Variants in PHC2 observed in about 807,000 individuals in gnomAD.
PHC2 encodes the protein polyhomeotic-like protein 2.
In PHC2, 29 loss-of-function variants were observed where a neutral mutation model predicts 87.4. That is an observed-to-expected ratio of 0.33 (90% CI 0.25 to 0.45). PHC2 has a LOEUF of 0.45. Ranked by LOEUF, PHC2 falls within the 20% of genes least tolerant of loss-of-function variation. The probability of loss-of-function intolerance (pLI) is 1.00; values close to 1 mark genes in which losing one functional copy is unlikely to be tolerated. For synonymous variants in PHC2, 438 were observed against 461.7 expected (o/e 0.95, Z 0.66); for missense variants, 857 against 1,136.7 (o/e 0.75, Z 3.54).
chr1:33,328,402 A>G (rs1013702334), intron 14 of PHC2, among the ~76,000 whole-genome samples: 3 of 108,086 alleles, frequency 2.8e-5, no homozygotes, highest in African/African-American at 4.3e-5. Context: ...TTTTTGGTAG[A>G]GACAGGTCTC....
chr1:33,333,576 T>G (rs1287828874), intron 10 of PHC2: 1 of 167,032 alleles, frequency 6.0e-6, no homozygotes, highest in Non-Finnish European at 1.3e-5. Flanking sequence ...TCAATCTCAT[T>G]AACTCCCCTT....
At chr1:33,335,999 T>TTG (rs1557820399) in intron 9 of PHC2, among the ~76,000 whole-genome samples, 10 of 133,302 alleles carry the variant, frequency 7.5e-5, no homozygotes, top group African/African-American at 2.8e-4. Context: ...TGTTGTTGTT[T>TTG]TTTTTTTTAG....
At position 33,369,520 on chromosome 1, in the gene PHC2, T is replaced by G. The variant is rs1260246057; in HGVS notation, c.577-898A>C. On this transcript the variant is annotated intron_variant, in intron 5 of 14. Coordinates refer to ENST00000683057, the MANE Select transcript of PHC2 (RefSeq NM_001385109.1). The surrounding 1 kb of genome is among the most constrained non-coding windows in gnomAD (Gnocchi z 4.7). The stretch of plus-strand genomic sequence containing the variant: ...AGTTCCCGAGGAGATGGAAGTCTAT[T>G]TCATGCCTTGTGTCTAAGAGGCTGT... Among the ~76,000 whole-genome samples the G allele has an allele frequency of 6.6e-5, 10 of 152,268 alleles. No individual in the cohort carries two copies. In the East Asian group the frequency reaches 1.9e-3, roughly 29 times the overall value.
At chr1:33,352,803 G>C (rs114284374) in intron 9 of PHC2, among the ~76,000 whole-genome samples, 1 of 152,194 alleles carries the variant, frequency 6.6e-6, no homozygotes, top group African/African-American at 2.4e-5. Context: ...GAAGGTGAGC[G>C]AGTGACTACC....
At chr1:33,394,762 G>C (rs192069172) in intron 1 of PHC2, among the ~76,000 whole-genome samples, 1 of 152,100 alleles carries the variant, frequency 6.6e-6, no homozygotes, top group African/African-American at 2.4e-5. Flanking sequence ...TAGAGATGGC[G>C]TCTTGCTTTC....
At chr1:33,376,965 C>T (rs1354709739) in intron 1 of PHC2, among the ~76,000 whole-genome samples, 1 of 152,154 alleles carries the variant, frequency 6.6e-6, no homozygotes, top group African/African-American at 2.4e-5. Flanking sequence ...GTTTTCAAAG[C>T]CAGAAGAGCT....
chr1:33,356,905 C>T (rs980278963), intron 7 of PHC2, among the ~76,000 whole-genome samples: 2 of 152,098 alleles, frequency 1.3e-5, no homozygotes, highest in African/African-American at 4.8e-5. Context: ...GACGGGGCGG[C>T]GGCCGGGCGG....
chr1:33,338,884 G>C (rs954342580), intron 9 of PHC2, among the ~76,000 whole-genome samples: 1 of 152,156 alleles, frequency 6.6e-6, no homozygotes, highest in Middle Eastern at 3.2e-3. Flanking sequence ...GTGGGGGAAG[G>C]GGGAGGTAAA....
intron 6 of PHC2, 87 bp from the exon 7 acceptor site, chr1:33,367,515 G>A: frequency 9.6e-7 from 1 of 1,041,388 alleles, no homozygotes; most frequent in Non-Finnish European, 1.4e-6. Context: ...GATGGATCCA[G>A]GAATGGCTGA....
intron 1 of PHC2, among the ~76,000 whole-genome samples, chr1:33,386,518 C>CA (rs1290868909): frequency 4.5e-4 from 65 of 145,126 alleles, no homozygotes; most frequent in Admixed American, 1.2e-3. Flanking sequence ...GACTCTGTCT[C>CA]AAAAAAAAAA....
At chr1:33,430,280 A>AG (rs1162081153) in intron 1 of PHC2, among the ~76,000 whole-genome samples, 1 of 152,190 alleles carries the variant, frequency 6.6e-6, no homozygotes, top group African/African-American at 2.4e-5. Context: ...ACAGAAAACA[A>AG]GGGACCAGCG....
At chr1:33,351,837 A>G (rs1646978034) in intron 9 of PHC2, among the ~76,000 whole-genome samples, 1 of 151,760 alleles carries the variant, frequency 6.6e-6, no homozygotes, top group South Asian at 2.1e-4. Flanking sequence ...CTGTAATCCC[A>G]GCTACTCGGG....
At chr1:33,371,465 GCCA>G (rs1408701707) in intron 3 of PHC2, among the ~76,000 whole-genome samples, 1 of 151,828 alleles carries the variant, frequency 6.6e-6, no homozygotes, top group African/African-American at 2.4e-5. Context: ...ATCACACCCA[GCCA>G]CCACCATCAC....
At chr1:33,374,049 C>G (rs561328298) in intron 2 of PHC2, among the ~76,000 whole-genome samples, 5 of 152,274 alleles carry the variant, frequency 3.3e-5, no homozygotes, top group African/African-American at 1.2e-4. Context: ...TCTCCGATAC[C>G]CTGTTTTATT....
chr1:33,401,009 A>G (rs905081803), intron 1 of PHC2, among the ~76,000 whole-genome samples: 3 of 152,180 alleles, frequency 2.0e-5, no homozygotes, highest in Non-Finnish European at 4.4e-5. Flanking sequence ...GTACAATTAT[A>G]AATCTTTTTG....
chr1:33,340,689 G>A (rs537535830), intron 9 of PHC2, among the ~76,000 whole-genome samples: 4 of 152,296 alleles, frequency 2.6e-5, no homozygotes, highest in African/African-American at 9.6e-5. Context: ...TTCCCCCAGG[G>A]CGGGGTAAGT....
chr1:33,393,651 G>C, intron 1 of PHC2, among the ~76,000 whole-genome samples: 1 of 23,840 alleles, frequency 4.2e-5, no homozygotes, highest in South Asian at 1.5e-3. Context: ...GGCTTCAGAA[G>C]GTAGGTTGAT....
At chr1:33,418,342 GGAGCAA>G (rs1420559323) in intron 1 of PHC2, among the ~76,000 whole-genome samples, 2 of 142,886 alleles carry the variant, frequency 1.4e-5, no homozygotes, top group South Asian at 2.5e-4. Flanking sequence ...ATCAGAAAAA[GGAGCAA>G]GAGCAAGAGA....
chr1:33,380,400 T>C (rs1387222102), intron 1 of PHC2, among the ~76,000 whole-genome samples: 6 of 152,244 alleles, frequency 3.9e-5, no homozygotes, highest in Admixed American at 3.9e-4. Context: ...CTGTTCTAGA[T>C]AGCTCATTTA....
Sources: gnomAD v4.1 joint callset for allele counts (sites outside exome capture counted in the v4.1 genomes callset) on GRCh38, gnomAD v4.1.1 for gene constraint, Gnocchi (gnomAD v3.1) non-coding constraint, MANE v1.5 for transcripts, NCBI Gene and HGNC (gene_info 2026-07-23, HGNC 2026-07-21) for gene names.